The following DCBLD2 variants were observed in gnomAD, a reference collection of about 807,000 sequenced individuals.
DCBLD2 encodes the protein discoidin, CUB and LCCL domain-containing protein 2.
Under a neutral mutation model 86.8 loss-of-function variants are expected in DCBLD2, and 54 were observed. The observed-to-expected ratio is 0.62, with a 90% confidence interval of 0.50 to 0.78. DCBLD2 has a LOEUF of 0.78. Among genes scored for constraint, DCBLD2 ranks in the 30% least tolerant of loss-of-function variants. The pLI, the probability that DCBLD2 is intolerant of heterozygous loss-of-function variation, is 0.00. For synonymous variants in DCBLD2, 354 were observed against 341.3 expected, an observed-to-expected ratio of 1.04 and a Z score of -0.41; for missense variants, 908 against 954.2, an observed-to-expected ratio of 0.95 and a Z score of 0.64.
chr3:98,872,701 CA>C (rs1943299980), intron 2 of DCBLD2, among the ~76,000 whole-genome samples: 1 of 151,862 alleles, frequency 6.6e-6, no homozygotes, highest in Non-Finnish European at 1.5e-5. Flanking sequence ...GGACCACAGG[CA>C]TTTTAAAAAG....
chr3:98,800,657 G>C lies in DCBLD2; in HGVS notation c.1780C>G (p.Pro594Ala). Reference protein sequence around the residue: ...PAKAVDHEETPVRYSSSEVNH... With the variant: ...PAKAVDHEETAVRYSSSEVNH... ...ACTTCGCTGCTGCTATAGCGAACTG[G>C]GGTTTCCTCATGGTCCACTGCTTTT... Residue 594 changes from proline (P) to alanine (A), a missense_variant, in exon 15 of 16, where the codon CCA (proline) becomes GCA (alanine). Coordinates refer to ENST00000326840, the MANE Select transcript of DCBLD2 (RefSeq NM_080927.4). The C allele has an allele frequency of 6.2e-7, 1 of 1,613,830 alleles. No homozygotes were observed. The highest frequency in any genetic ancestry group is 8.5e-7 in the Non-Finnish European group (1 of 1,179,846).
chr3:98,841,953 T>C (rs1942629729), intron 3 of DCBLD2, among the ~76,000 whole-genome samples: 1 of 152,022 alleles, frequency 6.6e-6, no homozygotes, highest in Non-Finnish European at 1.5e-5. Flanking sequence ...TAGTCCCAGC[T>C]ACTTGGGAGG....
chr3:98,857,810 T>A (rs926266066), intron 2 of DCBLD2, among the ~76,000 whole-genome samples: 8 of 152,158 alleles, frequency 5.3e-5, no homozygotes, highest in Non-Finnish European at 1.2e-4. Flanking sequence ...TTACAAACCT[T>A]GAGCTAGATA....
rs2107415038 is a variant in DCBLD2, at chr3:98,799,856, A to G, written c.1859-15T>C. On this transcript the variant is annotated splice_polypyrimidine_tract_variant and intron_variant, in intron 15 of 15. Coordinates refer to ENST00000326840, the MANE Select transcript of DCBLD2 (RefSeq NM_080927.4). ...CTGAGCATACTCTGTGGATATCACA[A>G]AACAACAGAAAAGTCATTTTACTAG... is the stretch of plus-strand genomic sequence containing the variant. The G allele has an allele frequency of 6.4e-7, 1 of 1,570,902 alleles. No individual in the cohort carries two copies. The highest frequency in any genetic ancestry group is 8.6e-7 in the Non-Finnish European group (1 of 1,157,384).
intron 1 of DCBLD2, among the ~76,000 whole-genome samples, chr3:98,892,485 GGGCC>G (rs1943680262): frequency 6.6e-6 from 1 of 152,020 alleles, no homozygotes; most frequent in African/African-American, 2.4e-5. Flanking sequence ...GTCAATGTGA[GGGCC>G]AACTCACCCT....
intron 1 of DCBLD2, among the ~76,000 whole-genome samples, chr3:98,889,008 T>C (rs974421808): frequency 6.6e-6 from 1 of 151,980 alleles, no homozygotes; most frequent in African/African-American, 2.4e-5. Flanking sequence ...TTCTCTCTTC[T>C]CTCTCCATCT....
At chr3:98,837,938 C>T (rs1406715551) in intron 3 of DCBLD2, among the ~76,000 whole-genome samples, 12 of 72,306 alleles carry the variant, frequency 1.7e-4, no homozygotes, top group South Asian at 5.6e-4. Context: ...CCATCTCCCT[C>T]CCGGATGGGG....
At chr3:98,865,066 T>A (rs1036755997) in intron 2 of DCBLD2, among the ~76,000 whole-genome samples, 2 of 152,092 alleles carry the variant, frequency 1.3e-5, no homozygotes. Flanking sequence ...CCTCAAAAAA[T>A]TAAAAATAAA....
At chr3:98,879,092 C>A (rs59756714) in intron 2 of DCBLD2, among the ~76,000 whole-genome samples, 2 of 152,278 alleles carry the variant, frequency 1.3e-5, no homozygotes, top group Admixed American at 1.3e-4. Context: ...ATATATAATT[C>A]TCTTGTTTTA....
chr3:98,825,663 ATATATATATATATATATT>A (rs1942205542), intron 3 of DCBLD2, among the ~76,000 whole-genome samples: 1 of 124,266 alleles, frequency 8.0e-6, no homozygotes, highest in Non-Finnish European at 1.8e-5. Flanking sequence ...ATATATATAT[ATATATATATATATATATT>A]TAGAACATGC....
At position 98,869,268 on chromosome 3, in the gene DCBLD2, T is replaced by C. The variant is rs72936652; in HGVS notation, c.433+12272A>G. On this transcript the variant is annotated intron_variant, in intron 2 of 15. Transcript: ENST00000326840. The stretch of plus-strand genomic sequence containing the variant: ...TGTATCTTCTTTTGAGAAATGTCTG[T>C]TCATGTTGTTTGTCTACTTTTTAAG... Among the ~76,000 whole-genome samples, 960 of 152,330 alleles carry C rather than the reference T, an allele frequency of 6.3e-3. 10 individuals carry two copies. Among genetic ancestry groups the C allele is most frequent in the African/African-American group, 0.022 (906 of 41,582 alleles).
intron 2 of DCBLD2, among the ~76,000 whole-genome samples, chr3:98,880,179 T>C (rs184338953): frequency 1.3e-5 from 2 of 152,174 alleles, no homozygotes; most frequent in Admixed American, 6.5e-5. Flanking sequence ...GCCTGGGAGA[T>C]AGGGCAGGAA....
chr3:98,817,816 C>T lies in DCBLD2; in HGVS notation c.1165G>A (p.Gly389Arg), dbSNP rs1039276818. Residue 389 changes from glycine (G) to arginine (R), a missense_variant, in exon 9 of 16, where the codon GGG (glycine) becomes AGG (arginine). Around this residue, in one of 3 missense-constraint regions of DCBLD2, gnomAD observed 606 missense variants for 678.5 expected, o/e 0.89. Coordinates refer to ENST00000326840, the MANE Select transcript of DCBLD2 (RefSeq NM_080927.4). ...TCTCTGTACACAGTCCATTTCTGCC[C>T]ATCATCACTGTACAGGATTCTGTAG... ...SAYRILYSDD[G>R]QKWTVYREPG... 4.3e-6 allele frequency: 7 copies of T among 1,613,658 alleles called. No individual in the cohort carries two copies. The highest frequency in any genetic ancestry group is 1.7e-5 in the Admixed American group (1 of 59,994).
intron 2 of DCBLD2, among the ~76,000 whole-genome samples, chr3:98,857,691 T>C (rs967245313): frequency 1.3e-5 from 2 of 152,166 alleles, no homozygotes; most frequent in African/African-American, 4.8e-5. Context: ...GTATTTACAA[T>C]CCCTTAGCTA....
At chr3:98,849,967 A>T (rs145896119) in intron 2 of DCBLD2, among the ~76,000 whole-genome samples, 265 of 152,326 alleles carry the variant, frequency 1.7e-3, no homozygotes, top group Admixed American at 6.5e-3. Context: ...GTATTCTTAA[A>T]GTGCTTCCCT....
chr3:98,846,931 CAGAGA>C (rs1942736764), intron 3 of DCBLD2, among the ~76,000 whole-genome samples: 1 of 151,908 alleles, frequency 6.6e-6, no homozygotes, highest in Admixed American at 6.6e-5. Context: ...TGATAAATAA[CAGAGA>C]AAAGCAAAAA....
chr3:98,900,995 G>A, intron 1 of DCBLD2, 127 bp downstream of exon 1: 1 of 1,476,468 alleles, frequency 6.8e-7, no homozygotes, highest in Non-Finnish European at 9.0e-7. Context: ...TGAGTACCCA[G>A]CCAGGTCCGG....
intron 3 of DCBLD2, among the ~76,000 whole-genome samples, chr3:98,844,034 G>GCACGCACACACACACA (rs143685510): frequency 4.5e-4 from 66 of 145,628 alleles, no homozygotes; most frequent in African/African-American, 1.3e-3. Context: ...AATCATGCAT[G>GCACGCACACACACACA]CACACACACA....
intron 2 of DCBLD2, among the ~76,000 whole-genome samples, chr3:98,878,997 T>C (rs1335849143): frequency 6.6e-6 from 1 of 152,024 alleles, no homozygotes; most frequent in Non-Finnish European, 1.5e-5. Context: ...TGACTAGAAT[T>C]CAGCGAGCAA....
Sources: allele counts gnomAD v4.1 joint callset (sites outside exome capture counted in the v4.1 genomes callset), GRCh38; gene constraint gnomAD v4.1.1; regional missense constraint gnomAD v4.1.1; transcripts MANE v1.5; gene names NCBI Gene and HGNC (gene_info 2026-07-23, HGNC 2026-07-21).